Variants in CMKLR2 observed in about 807,000 individuals in gnomAD.
CMKLR2 encodes chemerin chemokine-like receptor 2.
Under a neutral mutation model 23.0 loss-of-function variants are expected in CMKLR2, and 18 were observed. That is an observed-to-expected ratio of 0.78 (90% CI 0.54 to 1.16). The LOEUF (loss-of-function observed/expected upper bound fraction) is 1.16. Among genes scored for constraint, CMKLR2 ranks in the 50% most tolerant of loss-of-function variants. The pLI is 0.00. For synonymous variants in CMKLR2, 158 were observed against 158.9 expected, an observed-to-expected ratio of 0.99 and a Z score of 0.05; for missense variants, 401 against 412.7, an observed-to-expected ratio of 0.97 and a Z score of 0.25.
At chr2:206,217,315 G>C (rs990691620), upstream of CMKLR2, 1 of 152,178 alleles carries the variant, frequency 6.6e-6, no homozygotes, top group Non-Finnish European at 1.5e-5. Flanking sequence ...GTTAAACTGT[G>C]AGGCTGGAGA....
rs554801877 is a variant in CMKLR2, at chr2:206,205,296, T to C, written c.-29+8011A>G. ...TAAATGTTCAAATAACAAGTTAAAA[T>C]AGCTAAACTTTTTTTTAACTTACTG... On this transcript the variant is annotated intron_variant, in intron 1 of 1. Coordinates refer to ENST00000621141, the MANE Select transcript of CMKLR2 (RefSeq NM_001389445.1). Among the ~76,000 whole-genome samples the C allele has an allele frequency of 7.0e-4, 107 of 152,352 alleles. 2 individuals are homozygous for C. In the South Asian group the frequency reaches 0.021, roughly 30 times the overall value.
At chr2:206,216,855 C>G (rs996863445), upstream of CMKLR2, among the ~76,000 whole-genome samples, 12 of 152,108 alleles carry the variant, frequency 7.9e-5, no homozygotes, top group Non-Finnish European at 1.2e-4. Flanking sequence ...TCATCCCCTC[C>G]CCTCCCATCA....
At chr2:206,179,731 C>T (rs1688352943) in intron 1 of CMKLR2, among the ~76,000 whole-genome samples, 1 of 152,108 alleles carries the variant, frequency 6.6e-6, no homozygotes, top group Non-Finnish European at 1.5e-5. Flanking sequence ...ACTCTGTCTT[C>T]TTCCATTTTA....
Position 206,176,568 on chromosome 2 carries a change from A to G in CMKLR2, c.680T>C (p.Leu227Ser), listed in dbSNP as rs1212879940. The G allele has an allele frequency of 6.2e-7, 1 of 1,614,138 alleles. No individual in the cohort carries two copies. The highest frequency in any genetic ancestry group is 1.1e-5 in the South Asian group (1 of 91,086). ...CTTCTTCACCTTGAAGATGAGACACAAGTAGCAAATACTCATTGTTAGCAA... is the reference window on the plus strand; with the variant it reads ...CTTCTTCACCTTGAAGATGAGACACGAGTAGCAAATACTCATTGTTAGCAA... ...FPLLTMSICY[L>S]CLIFKVKKRS... Residue 227 changes from leucine to serine, a missense_variant, in exon 2 of 2, where the codon TTG becomes TCG. Coordinates refer to ENST00000621141, the MANE Select transcript of CMKLR2 (RefSeq NM_001389445.1).
chr2:206,201,102 C>A (rs551001160), intron 1 of CMKLR2, among the ~76,000 whole-genome samples: 2 of 152,280 alleles, frequency 1.3e-5, no homozygotes, highest in East Asian at 3.9e-4. Flanking sequence ...CAGGCACCCA[C>A]CACCACTCCT....
intron 1 of CMKLR2, among the ~76,000 whole-genome samples, chr2:206,212,156 A>G (rs1574333544): frequency 6.6e-6 from 1 of 152,260 alleles, no homozygotes; most frequent in Middle Eastern, 3.4e-3. Context: ...CATGATTATC[A>G]TTCTGGTTAA....
At chr2:206,201,750 G>T (rs115319174) in intron 1 of CMKLR2, among the ~76,000 whole-genome samples, 2 of 152,150 alleles carry the variant, frequency 1.3e-5, no homozygotes, top group Non-Finnish European at 2.9e-5. Context: ...CAGCACCTAG[G>T]GGTACTGTGT....
chr2:206,185,753 G>C (rs565761955), intron 1 of CMKLR2, among the ~76,000 whole-genome samples: 1 of 152,122 alleles, frequency 6.6e-6, no homozygotes, highest in African/African-American at 2.4e-5. Flanking sequence ...TAGCAGTGAA[G>C]GTGATGGGAA....
chr2:206,196,391 AAAAT>A lies in CMKLR2; in HGVS notation c.-29+16912_-29+16915del, dbSNP rs145895468. On this transcript the variant is annotated intron_variant, in intron 1 of 1. Coordinates refer to ENST00000621141, the MANE Select transcript of CMKLR2 (RefSeq NM_001389445.1). ...TGTCTCAAAAAAATAAATAAAAATAAAAATAAATAAATAAATAAATAGTGTTTAA... is the reference window on the plus strand; with the variant it reads ...TGTCTCAAAAAAATAAATAAAAATAAAAATAAATAAATAAATAGTGTTTAA... Among the ~76,000 whole-genome samples, 103 of 151,288 alleles carry A rather than the reference AAAAT, an allele frequency of 6.8e-4. 1 individual carries two copies. Among genetic ancestry groups the A allele is most frequent in the African/African-American group, 2.1e-3 (88 of 41,270 alleles).
chr2:206,182,535 A>G, intron 1 of CMKLR2, among the ~76,000 whole-genome samples: 1 of 152,186 alleles, frequency 6.6e-6, no homozygotes, highest in East Asian at 1.9e-4. Context: ...CCCATTCCAA[A>G]CCAAAGATAA....
intron 1 of CMKLR2, among the ~76,000 whole-genome samples, chr2:206,180,303 C>A (rs937730328): frequency 1.8e-4 from 27 of 146,568 alleles, no homozygotes; most frequent in African/African-American, 6.3e-4. Context: ...CAAGCCTGGA[C>A]AACAAAGTGA....
At chr2:206,216,586 C>CA (rs1417241858), upstream of CMKLR2, among the ~76,000 whole-genome samples, 2 of 152,170 alleles carry the variant, frequency 1.3e-5, no homozygotes, top group African/African-American at 4.8e-5. Context: ...CTGGTCTCAA[C>CA]AGGTTTTTGA....
chr2:206,181,809 G>A (rs1182230756), intron 1 of CMKLR2, among the ~76,000 whole-genome samples: 1 of 151,858 alleles, frequency 6.6e-6, no homozygotes, highest in Non-Finnish European at 1.5e-5. Context: ...AAAATTAGCC[G>A]GGTATGGTGG....
In CMKLR2 at chr2:206,187,875, A is replaced by G. The variant is rs939222490; in HGVS notation, c.-28-10600T>C. ...TGGTGGGCAGTAACCAAAAATGAAG[A>G]CAGATAGTAGGTGGATATTAGGTCT... On this transcript the variant is annotated intron_variant, in intron 1 of 1. Coordinates refer to ENST00000621141, the MANE Select transcript of CMKLR2 (RefSeq NM_001389445.1). Among the ~76,000 whole-genome samples the G allele has an allele frequency of 2.0e-5, 3 of 152,104 alleles. No individual in the cohort carries two copies. The East Asian group carries it at 5.8e-4, about 29-fold the overall frequency.
intron 1 of CMKLR2, among the ~76,000 whole-genome samples, chr2:206,211,342 T>C (rs1277404397): frequency 1.3e-5 from 2 of 152,200 alleles, no homozygotes; most frequent in Non-Finnish European, 2.9e-5. Context: ...TTTTGTGTTT[T>C]GAGACGGAGT....
intron 1 of CMKLR2, among the ~76,000 whole-genome samples, chr2:206,205,860 C>T (rs541147762): frequency 8.6e-5 from 13 of 151,922 alleles, no homozygotes; most frequent in Admixed American, 7.9e-4. Context: ...CCACCATGCC[C>T]GGCTAATTTT....
chr2:206,205,341 T>A (rs966042136), intron 1 of CMKLR2, among the ~76,000 whole-genome samples: 29 of 152,194 alleles, frequency 1.9e-4, no homozygotes, highest in African/African-American at 6.5e-4. Flanking sequence ...AAATCTAACA[T>A]ATTTCTGAGG....
intron 1 of CMKLR2, among the ~76,000 whole-genome samples, chr2:206,212,213 G>A (rs1187480063): frequency 2.6e-5 from 4 of 152,082 alleles, no homozygotes; most frequent in African/African-American, 7.2e-5. Flanking sequence ...ACAATTAGCA[G>A]TCAAGTAACA....
Position 206,182,854 on chromosome 2 carries a change from G to A in CMKLR2, c.-28-5579C>T, listed in dbSNP as rs139888830. 8.3e-3 allele frequency among the ~76,000 whole-genome samples: 1,267 copies of A among 151,976 alleles called. 6 individuals are homozygous for A. The highest frequency in any genetic ancestry group is 0.024 in the Middle Eastern group (7 of 294). ...AGGCTGGTCTTGAACTCCTGACCTC[G>A]TGATCCACCCGTCTCAGCCTCCCAA... is the stretch of plus-strand genomic sequence containing the variant. On this transcript the variant is annotated intron_variant, in intron 1 of 1. Coordinates refer to ENST00000621141, the MANE Select transcript of CMKLR2 (RefSeq NM_001389445.1).
Sources: gnomAD v4.1 joint callset for allele counts (sites outside exome capture counted in the v4.1 genomes callset) on GRCh38, gnomAD v4.1.1 for gene constraint, MANE v1.5 for transcripts, NCBI Gene and HGNC (gene_info 2026-07-23, HGNC 2026-07-21) for gene names.